KCNMA1: variants seen among roughly 807,000 people sequenced by gnomAD.
KCNMA1 encodes Calcium-activated potassium channel subunit alpha-1.
In KCNMA1, 29 loss-of-function variants were observed where a neutral mutation model predicts 140.0. The observed-to-expected ratio is 0.21, with a 90% CI of 0.15 to 0.28. The LOEUF (loss-of-function observed/expected upper bound fraction) is 0.28. Among genes scored for constraint, KCNMA1 ranks in the 10% least tolerant of loss-of-function variants. The pLI, the probability that KCNMA1 is intolerant of heterozygous loss-of-function variation, is 1.00. For synonymous variants in KCNMA1, 612 were observed against 611.9 expected (o/e 1.00, Z 0.00); for missense variants, 880 against 1,602.2 (o/e 0.55, Z 7.70).
chr10:77,330,831 CACTT>C (rs1382081811), intron 2 of KCNMA1, among the ~76,000 whole-genome samples: 4 of 152,140 alleles, frequency 2.6e-5, no homozygotes, highest in African/African-American at 9.7e-5. Context: ...TCAATAAAGT[CACTT>C]AACCTGTGAG....
At chr10:77,454,678 C>T (rs2097726804) in intron 1 of KCNMA1, among the ~76,000 whole-genome samples, 1 of 152,168 alleles carries the variant, frequency 6.6e-6, no homozygotes, top group Non-Finnish European at 1.5e-5. Context: ...CTTCAGATGC[C>T]CTCACATTTT....
At chr10:77,592,825 C>T (rs1041477519) in intron 1 of KCNMA1, among the ~76,000 whole-genome samples, 1 of 152,198 alleles carries the variant, frequency 6.6e-6, no homozygotes, top group Non-Finnish European at 1.5e-5. Context: ...GGAGGCCTCA[C>T]AGTCCTGCAG....
intron 1 of KCNMA1, among the ~76,000 whole-genome samples, chr10:77,569,605 A>T (rs1482094889): frequency 6.6e-6 from 1 of 152,118 alleles, no homozygotes; most frequent in African/African-American, 2.4e-5. Flanking sequence ...TTAAAGACTT[A>T]AATGTTAGAC....
chr10:77,152,587 C>A (rs1379323331), intron 5 of KCNMA1, among the ~76,000 whole-genome samples: 1 of 152,074 alleles, frequency 6.6e-6, no homozygotes, highest in African/African-American at 2.4e-5. Flanking sequence ...AAGAGCCTTG[C>A]GACCAAGGGG....
At chr10:77,065,121 C>T (rs2095879673) in intron 14 of KCNMA1, among the ~76,000 whole-genome samples, 1 of 152,164 alleles carries the variant, frequency 6.6e-6, no homozygotes, top group South Asian at 2.1e-4. Flanking sequence ...TTCATTTACT[C>T]CACAAACACG....
intron 3 of KCNMA1, among the ~76,000 whole-genome samples, chr10:77,224,152 A>G (rs571155086): frequency 6.6e-6 from 1 of 152,344 alleles, no homozygotes; most frequent in South Asian, 2.1e-4. Flanking sequence ...CCTGGGGTTC[A>G]GCAGACCTAA....
chr10:76,941,097 A>AAG lies in KCNMA1; in HGVS notation c.2902+3674_2902+3675dup, dbSNP rs1195869033. ...AGAAAGAAAGAAAGAGAAAGAAAGA[A>AAG]AGAAGGGAGGGAGGGAGGGAGGGAA... On this transcript the variant is annotated intron_variant, in intron 23 of 27. Transcript: ENST00000286628. Among the ~76,000 whole-genome samples, 155 of 91,924 alleles carry AAG rather than the reference A, an allele frequency of 1.7e-3. 3 individuals are homozygous for AAG. Among genetic ancestry groups the AAG allele is most frequent in the African/African-American group, 6.0e-3 (140 of 23,212 alleles). The allele number at this position is 91,924 out of a possible 152,430, so 60.3% of individuals were successfully genotyped here.
intron 1 of KCNMA1, among the ~76,000 whole-genome samples, chr10:77,502,837 C>T (rs1330273140): frequency 6.6e-6 from 1 of 152,178 alleles, no homozygotes; most frequent in Non-Finnish European, 1.5e-5. Flanking sequence ...GCTCCAAGCA[C>T]CCACAATAGA....
chr10:77,043,744 A>G (rs2094872242), intron 14 of KCNMA1, among the ~76,000 whole-genome samples: 1 of 152,220 alleles, frequency 6.6e-6, no homozygotes, highest in Non-Finnish European at 1.5e-5. Context: ...CAATCAAAAA[A>G]GGACAACCGT....
intron 2 of KCNMA1, among the ~76,000 whole-genome samples, chr10:77,330,705 A>AAATCAG (rs1420005426): frequency 3.9e-5 from 6 of 152,160 alleles, no homozygotes; most frequent in Non-Finnish European, 5.9e-5. Context: ...GTGAATGGCA[A>AAATCAG]AATCAGAACA....
intron 10 of KCNMA1, among the ~76,000 whole-genome samples, chr10:77,087,177 G>T (rs905106371): frequency 7.2e-5 from 11 of 152,138 alleles, no homozygotes; most frequent in Non-Finnish European, 1.5e-4. Flanking sequence ...TCCTTGGACT[G>T]GGGTTGACAT....
rs537259805 is a variant in KCNMA1 at position 77,163,720 on chromosome 10, T to G, written c.808+19701A>C. Among the ~76,000 whole-genome samples, 3 of 152,316 alleles carry G rather than the reference T, an allele frequency of 2.0e-5. No homozygotes were observed. In the East Asian group the frequency reaches 5.8e-4, roughly 29 times the overall value. ...AGCTTCCATGATGTACTGATGGTTA[T>G]GCTAATTACTAAAGACTGTCAAATC... On this transcript the variant is annotated intron_variant, in intron 5 of 27. Transcript: ENST00000286628.
At chr10:77,622,418 T>G (rs2091625436) in intron 1 of KCNMA1, among the ~76,000 whole-genome samples, 5 of 152,250 alleles carry the variant, frequency 3.3e-5, no homozygotes. Flanking sequence ...CCCACCTGCC[T>G]GGATTTAAAC....
intron 1 of KCNMA1, among the ~76,000 whole-genome samples, chr10:77,623,197 A>G (rs2154569961): frequency 1.3e-5 from 2 of 152,340 alleles, no homozygotes; most frequent in Middle Eastern, 6.8e-3. Flanking sequence ...GCAACTTAGG[A>G]GAGATTTGCA....
At chr10:77,192,850 T>C (rs1022126645) in intron 3 of KCNMA1, among the ~76,000 whole-genome samples, 7 of 152,160 alleles carry the variant, frequency 4.6e-5, no homozygotes, top group African/African-American at 1.7e-4. Context: ...AGGCTGTGCA[T>C]TGGGCTACTG....
chr10:77,303,365 C>A (rs1311250590), intron 2 of KCNMA1, among the ~76,000 whole-genome samples: 1 of 152,164 alleles, frequency 6.6e-6, no homozygotes, highest in Non-Finnish European at 1.5e-5. Flanking sequence ...CCATTGAGGG[C>A]ATTTCCTAAT....
chr10:77,318,510 C>T (rs2081468247), intron 2 of KCNMA1, among the ~76,000 whole-genome samples: 1 of 152,140 alleles, frequency 6.6e-6, no homozygotes, highest in Admixed American at 6.5e-5. Context: ...AGGCGGTTCA[C>T]CTATCATCCT....
intron 19 of KCNMA1, 169 bp from the exon 20 acceptor site, chr10:76,970,236 C>G: frequency 1.6e-6 from 1 of 644,288 alleles, no homozygotes; most frequent in Non-Finnish European, 2.9e-6. Context: ...AAGAGGCCGG[C>G]TTAGAGAAGG....
intron 3 of KCNMA1, among the ~76,000 whole-genome samples, chr10:77,207,738 G>A (rs892239520): frequency 1.3e-5 from 2 of 152,166 alleles, no homozygotes; most frequent in South Asian, 2.1e-4. Flanking sequence ...ATACTGATGT[G>A]ATGTATTTTG....
Sources: gnomAD v4.1 joint callset for allele counts (sites outside exome capture counted in the v4.1 genomes callset) on GRCh38, gnomAD v4.1.1 for gene constraint, MANE v1.5 for transcripts, NCBI Gene and HGNC (gene_info 2026-07-23, HGNC 2026-07-21) for gene names.